DCAF15: variants seen among roughly 807,000 people sequenced by gnomAD.
The protein encoded by DCAF15 is DDB1 and CUL4 associated factor 15.
A neutral mutation model predicts 68.0 loss-of-function variants in DCAF15; 24 were observed. The observed-to-expected ratio is 0.35, with a 90% CI of 0.26 to 0.50. DCAF15 has a LOEUF of 0.50. Among genes scored for constraint, DCAF15 ranks in the 20% least tolerant of loss-of-function variants. DCAF15 has a pLI of 0.98. For missense variants in DCAF15, 627 were observed against 830.6 expected, an observed-to-expected ratio of 0.75 and a Z score of 3.01; for synonymous variants, 376 against 341.6, an observed-to-expected ratio of 1.10 and a Z score of -1.11.
rs1318057637 is a variant in DCAF15, at chr19:13,960,973, G to A, written c.1781G>A (p.Arg594Gln). The change falls in exon 13 of 13, where the codon CGA (arginine) becomes CAA (glutamine). Residue 594 changes from arginine to glutamine, a missense_variant. Arg to Gln is a conservative substitution (Grantham distance 43, BLOSUM62 1). This residue lies in a region of DCAF15 where 118 missense variants were observed against 211.8 expected (regional missense o/e 0.56). Transcript: ENST00000254337. ...CTGAAGGTTCTGGCGGACAGCGAGC[G>A]ATATACGTGGATCGTGCTGTGAGGG... ...CSLKVLADSE[R>Q]YTWIVL 1 of 1,613,830 alleles carries A rather than the reference G, an allele frequency of 6.2e-7. No individual in the cohort carries two copies. Among genetic ancestry groups the A allele is most frequent in the East Asian group, 2.2e-5 (1 of 44,898 alleles).
intron 10 of DCAF15, 104 bp from the exon 11 acceptor site, chr19:13,960,183 C>T (rs1973556003): frequency 1.9e-6 from 3 of 1,559,694 alleles, no homozygotes; most frequent in Non-Finnish European, 2.6e-6. Context: ...CTGGCTGGGC[C>T]CCTCCATAGC....
Position 13,956,630 on chromosome 19 carries a change from C to A in DCAF15, c.784+108C>A. The A allele has an allele frequency of 3.9e-6, 5 of 1,269,718 alleles. No homozygotes were observed. In the South Asian group the frequency reaches 6.9e-5, roughly 17 times the overall value. The allele number at this position is 1,269,718 out of a possible 1,614,324, so 78.7% of individuals were successfully genotyped here. A position where few individuals can be genotyped will look rare whatever the true frequency, so the allele number is the denominator to read the frequency against. Reference sequence around the variant, plus strand: ...GGCGTAGAGAGGTGGGAGCTACTTCCCCAAGTCACACAGCCTGGTTGTGGG... The same window carrying A: ...GGCGTAGAGAGGTGGGAGCTACTTCACCAAGTCACACAGCCTGGTTGTGGG... On this transcript the variant is annotated intron_variant, in intron 6 of 12. Coordinates refer to ENST00000254337, the MANE Select transcript of DCAF15 (RefSeq NM_138353.4).
chr19:13,957,931 C>T (rs901240775), intron 6 of DCAF15, among the ~76,000 whole-genome samples: 4 of 152,046 alleles, frequency 2.6e-5, no homozygotes, highest in African/African-American at 4.8e-5. Context: ...GATGCAAAGA[C>T]GTCCATTAAA....
intron 6 of DCAF15, among the ~76,000 whole-genome samples, chr19:13,957,854 T>G (rs1043394120): frequency 1.3e-5 from 2 of 152,016 alleles, no homozygotes; most frequent in East Asian, 3.9e-4. Context: ...GCCAATGTAC[T>G]CCAGCCTGGG....
At chr19:13,957,953 A>T (rs968698290) in intron 6 of DCAF15, among the ~76,000 whole-genome samples, 1 of 152,150 alleles carries the variant, frequency 6.6e-6, no homozygotes, top group Non-Finnish European at 1.5e-5. Context: ...CCTCATGGAA[A>T]TGGTTGTCCC....
rs1046538685 is a variant in DCAF15 at position 13,955,582 on chromosome 19, A to AC, written c.367-323dup. 7.2e-5 allele frequency among the ~76,000 whole-genome samples: 11 copies of AC among 151,896 alleles called. No individual in the cohort carries two copies. The South Asian group carries it at 1.0e-3, about 14-fold the overall frequency. ...TTAGCCTTGACCCTTGACTCCTGGA[A>AC]CCCCCCCAGGAGGTGTGCTGTTACC... is the stretch of plus-strand genomic sequence containing the variant. On this transcript the variant is annotated intron_variant, in intron 3 of 12. Coordinates refer to ENST00000254337, the MANE Select transcript of DCAF15 (RefSeq NM_138353.4).
chr19:13,960,898 G>C (rs1457520229), intron 12 of DCAF15, 42 bp from the exon 13 acceptor site: 5 of 1,612,920 alleles, frequency 3.1e-6, no homozygotes, highest in Non-Finnish European at 4.2e-6. Context: ...GCAGGGCCAG[G>C]CAGGCAGGGG....
In DCAF15 at chr19:13,961,338, G is replaced by C. The variant is rs1325722945; in HGVS notation, c.*343G>C. ...ACGTTGCCCTCGGGGAGGTCGAATG[G>C]ACCCCATTCCCCCTGCCCTGCCCGC... On this transcript the variant is annotated 3_prime_UTR_variant, in exon 13 of 13. Coordinates refer to ENST00000254337, the MANE Select transcript of DCAF15 (RefSeq NM_138353.4). 2.7e-6 allele frequency: 1 copy of C among 364,720 alleles called. No individual in the cohort carries two copies. Among genetic ancestry groups the C allele is most frequent in the South Asian group, 3.1e-5 (1 of 32,662 alleles). 22.6% of individuals were successfully genotyped at this position (364,720 alleles called of 1,614,324 possible). A position where few individuals can be genotyped will look rare whatever the true frequency, so the allele number is the denominator to read the frequency against.
Position 13,960,503 on chromosome 19 carries a change from A to G in DCAF15, c.1670A>G (p.Asp557Gly). Residue 557 changes from aspartate to glycine, a missense_variant, in exon 12 of 13, where the codon GAC becomes GGC. Physicochemically the swap from Asp to Gly is moderately conservative, Grantham distance 94 (BLOSUM62 -1). Transcript: ENST00000254337. Reference protein sequence around the residue: ...VWSSYRKSCVDMVMKWLVPES... With the variant: ...VWSSYRKSCVGMVMKWLVPES... ...AGCTCCTACCGCAAGAGCTGCGTGG[A>G]CATGGTCATGAAGTGGCTGGTGCCG... 1 of 1,611,346 alleles carries G rather than the reference A, an allele frequency of 6.2e-7. No individual in the cohort carries two copies. Among genetic ancestry groups the G allele is most frequent in the Non-Finnish European group, 8.5e-7 (1 of 1,179,176 alleles).
chr19:13,960,089 C>A lies in DCAF15; in HGVS notation c.1526+20C>A. Reference sequence around the variant, plus strand: ...GCTCCGGTGAGCGCGGGGATCCTGCCCTCTCTGTCCACTAGGGGGGCCACT... The same window carrying A: ...GCTCCGGTGAGCGCGGGGATCCTGCACTCTCTGTCCACTAGGGGGGCCACT... On this transcript the variant is annotated intron_variant, in intron 10 of 12. Coordinates refer to ENST00000254337, the MANE Select transcript of DCAF15 (RefSeq NM_138353.4). The A allele has an allele frequency of 6.2e-7, 1 of 1,612,568 alleles. No homozygotes were observed. The highest frequency in any genetic ancestry group is 8.5e-7 in the Non-Finnish European group (1 of 1,179,532).
chr19:13,959,559 A>G (rs1165992125), intron 7 of DCAF15, 23 bp from the exon 8 acceptor site: 4 of 1,459,592 alleles, frequency 2.7e-6, no homozygotes, highest in Non-Finnish European at 3.8e-6. Context: ...CCTCCACCCC[A>G]CCCCCACTTC....
chr19:13,956,281 C>T lies in DCAF15; in HGVS notation c.613+19C>T, dbSNP rs775206793. The T allele has an allele frequency of 9.3e-6, 15 of 1,611,544 alleles. No individual in the cohort carries two copies. Among genetic ancestry groups the T allele is most frequent in the South Asian group, 2.2e-5 (2 of 90,962 alleles). ...CACCCAGGTGAGGGGGCCGAGGGGGCGAGGGCCTCTTCCCCCCTCCCCCCC... is the reference window on the plus strand; with the variant it reads ...CACCCAGGTGAGGGGGCCGAGGGGGTGAGGGCCTCTTCCCCCCTCCCCCCC... On this transcript the variant is annotated intron_variant, in intron 5 of 12. Transcript: ENST00000254337.
chr19:13,961,201 G>A lies in DCAF15; in HGVS notation c.*206G>A. 2 of 632,914 alleles carry A rather than the reference G, an allele frequency of 3.2e-6. No homozygotes were observed. The highest frequency in any genetic ancestry group is 2.8e-5 in the East Asian group (1 of 35,892). 39.2% of individuals were successfully genotyped at this position (632,914 alleles called of 1,614,324 possible). A position where few individuals can be genotyped will look rare whatever the true frequency, so the allele number is the denominator to read the frequency against. On this transcript the variant is annotated 3_prime_UTR_variant, in exon 13 of 13. Transcript: ENST00000254337. ...TTTATGCCTATTTAAGTTGGGAAGG[G>A]GCAGAGAGAGGGCGCCCCCTGCCCC...
intron 6 of DCAF15, 117 bp from the exon 7 acceptor site, chr19:13,958,928 C>A: frequency 7.7e-7 from 1 of 1,290,580 alleles, no homozygotes; most frequent in Non-Finnish European, 1.1e-6. Context: ...CTGATCTCAG[C>A]ATAGCCAAGT....
chr19:13,959,910 G>GGCAGGGTGGGCCCAGGGCGT lies in DCAF15; in HGVS notation c.1440+33_1440+34insGTGCAGGGTGGGCCCAGGGC. The GGCAGGGTGGGCCCAGGGCGT allele has an allele frequency of 1.2e-6, 2 of 1,612,168 alleles. No individual in the cohort carries two copies. The highest frequency in any genetic ancestry group is 8.5e-7 in the Non-Finnish European group (1 of 1,178,536). On this transcript the variant is annotated intron_variant, in intron 9 of 12. Coordinates refer to ENST00000254337, the MANE Select transcript of DCAF15 (RefSeq NM_138353.4). The stretch of plus-strand genomic sequence containing the variant: ...TCATTCTGGAGGTGGGCCCAGGGCG[G>GGCAGGGTGGGCCCAGGGCGT]GCAGGGTGGGCCCAGGGCCTCCTGT...
rs372651281 is a variant in DCAF15, at chr19:13,954,342, C to G, written c.135C>G (p.Ile45Met). ...TGCCCTGGCCACCCCTTCCCCAGAT[C>G]AGCGGACAGCTCTCCCCTCGCCTCT... ...HVLKQLERVK[I>M]SGQLSPRLFR... The change falls in exon 2 of 13, where the codon ATC (isoleucine) becomes ATG (methionine). Residue 45 changes from isoleucine to methionine, a missense_variant and splice_region_variant. Transcript: ENST00000254337. 13 of 1,612,814 alleles carry G rather than the reference C, an allele frequency of 8.1e-6. No individual in the cohort carries two copies. The African/African-American group carries it at 1.7e-4, about 22-fold the overall frequency.
chr19:13,955,106 T>TAAAACAAAACAAAAC (rs565524117), intron 3 of DCAF15, among the ~76,000 whole-genome samples: 313 of 150,336 alleles, frequency 2.1e-3, no homozygotes, highest in African/African-American at 7.5e-3. Flanking sequence ...ACCCTGTCTC[T>TAAAACAAAACAAAAC]AAAACAAAAC....
At position 13,956,187 on chromosome 19, in the gene DCAF15, A is replaced by G. The variant is rs1448841032; in HGVS notation, c.538A>G (p.Ile180Val). Residue 180 changes from isoleucine to valine, a missense_variant, in exon 5 of 13, where the codon ATC becomes GTC. Ile to Val is a conservative substitution (Grantham distance 29, BLOSUM62 3). This residue lies in a region of DCAF15 where 273 missense variants were observed against 393.7 expected (regional missense o/e 0.69). Transcript: ENST00000254337. Reference sequence around the variant, plus strand: ...GATGAGTGACGAGAACCACCGTGACATCTACGTCAGCACCGTGGCCGTGCC... The same window carrying G: ...GATGAGTGACGAGAACCACCGTGACGTCTACGTCAGCACCGTGGCCGTGCC... ...MMMSDENHRD[I>V]YVSTVAVPPP... The G allele has an allele frequency of 6.2e-7, 1 of 1,611,370 alleles. No individual in the cohort carries two copies.
rs755267271 is a variant in DCAF15, at chr19:13,959,342, C to A, written c.1082C>A (p.Pro361His). ...SGSRCRAHSE[P>H]LALCGETAPR... ...AGCCGCTGCCGTGCGCACTCTGAGCCCCTAGCCCTGTGTGGAGAGACGGCA... is the reference window on the plus strand; with the variant it reads ...AGCCGCTGCCGTGCGCACTCTGAGCACCTAGCCCTGTGTGGAGAGACGGCA... The change falls in exon 7 of 13, where the codon CCC becomes CAC. Residue 361 changes from proline to histidine, a missense_variant. Around this residue, in one of 3 missense-constraint regions of DCAF15, gnomAD observed 236 missense variants for 225.1 expected, o/e 1.05. Coordinates refer to ENST00000254337, the MANE Select transcript of DCAF15 (RefSeq NM_138353.4). The A allele has an allele frequency of 1.2e-6, 2 of 1,606,134 alleles. No individual in the cohort carries two copies. The highest frequency in any genetic ancestry group is 1.6e-4 in the Middle Eastern group (1 of 6,062).
Sources: gnomAD v4.1 joint callset for allele counts (sites outside exome capture counted in the v4.1 genomes callset) on GRCh38, gnomAD v4.1.1 for gene constraint, gnomAD v4.1.1 regional missense constraint, MANE v1.5 for transcripts, NCBI Gene and HGNC (gene_info 2026-07-23, HGNC 2026-07-21) for gene names.